Variants in LMBRD2 observed in about 807,000 individuals in gnomAD.
The protein encoded by LMBRD2 is LMBR1 domain containing 2, also known as G protein-coupled receptor-associated protein LMBRD2.
A neutral mutation model predicts 94.4 loss-of-function variants in LMBRD2; 55 were observed. The ratio of observed to expected loss-of-function variants is 0.58; its 90% confidence interval spans 0.47 to 0.73. LMBRD2 has a LOEUF of 0.73. LMBRD2 is among the 30% of genes least tolerant of loss of function. LMBRD2 has a pLI of 0.00. For synonymous variants in LMBRD2, 246 were observed against 272.4 expected, an observed-to-expected ratio of 0.90 and a Z score of 0.95; for missense variants, 640 against 831.9, an observed-to-expected ratio of 0.77 and a Z score of 2.84.
At chr5:36,113,588 A>G (rs1289860686) in intron 13 of LMBRD2, among the ~76,000 whole-genome samples, 3 of 152,184 alleles carry the variant, frequency 2.0e-5, no homozygotes, top group African/African-American at 7.2e-5. Context: ...CTGTTTACTC[A>G]TTACTGTAAT....
At position 36,122,465 on chromosome 5, in the gene LMBRD2, T is replaced by TA. The variant is rs1561516500; in HGVS notation, c.937-3dup. 1 of 1,609,046 alleles carries TA rather than the reference T, an allele frequency of 6.2e-7. No individual in the cohort carries two copies. The highest frequency in any genetic ancestry group is 2.2e-5 in the East Asian group (1 of 44,762). On this transcript the variant is annotated splice_region_variant and splice_polypyrimidine_tract_variant and intron_variant, in intron 8 of 17. Transcript: ENST00000296603. ...GTGTCTCTGAACTGAATAAATCACC[T>TA]AAAAAAGAGAATGGGGGTAGACCTG...
intron 5 of LMBRD2, 130 bp downstream of exon 5, chr5:36,137,144 A>G: frequency 1.8e-6 from 1 of 565,368 alleles, no homozygotes; most frequent in Non-Finnish European, 3.0e-6. Context: ...TCTTTTGGGG[A>G]AATCCATAAA....
rs1161702299 is a variant in LMBRD2 at position 36,116,607 on chromosome 5, AAAAC to A, written c.1303-18_1303-15del. Reference sequence around the variant, plus strand: ...GAAGCAGGCAATCTGGAAAAAAACAAAAACAAAGCAGTTTGTTTAAAACAAACAG... The same window carrying A: ...GAAGCAGGCAATCTGGAAAAAAACAAAAAGCAGTTTGTTTAAAACAAACAG... On this transcript the variant is annotated splice_polypyrimidine_tract_variant and intron_variant, in intron 10 of 17. Coordinates refer to ENST00000296603, the MANE Select transcript of LMBRD2 (RefSeq NM_001007527.2). 3 of 1,608,870 alleles carry A rather than the reference AAAAC, an allele frequency of 1.9e-6. No homozygotes were observed. The African/African-American group carries it at 4.0e-5, about 22-fold the overall frequency.
rs1376933779 is a variant in LMBRD2, at chr5:36,143,375, CAA to C, written c.-28_-27del. On this transcript the variant is annotated 5_prime_UTR_variant, in exon 2 of 18. It removes the in-frame stop codon of an upstream open reading frame in the 5' UTR. Coordinates refer to ENST00000296603, the MANE Select transcript of LMBRD2 (RefSeq NM_001007527.2). ...TATTGAATATTTCACTCTGACTAAC[CAA>C]AGTTATTCATGTACAGGTCTGGACC... 3 of 1,580,384 alleles carry C rather than the reference CAA, an allele frequency of 1.9e-6. No homozygotes were observed. Among genetic ancestry groups the C allele is most frequent in the South Asian group, 2.3e-5 (2 of 88,876 alleles).
In LMBRD2 at chr5:36,122,873, T is replaced by C; in HGVS notation, c.911A>G (p.Lys304Arg). The change falls in exon 8 of 18, where the codon AAA becomes AGA. Residue 304 changes from lysine (K) to arginine (R), a missense_variant. By Grantham distance (26) the Lys-to-Arg change is conservative. Transcript: ENST00000296603. ...DEKHSIYPSE[K>R]SLVKLHKQVI... ...CTGTTTATGCAGTTTTACCAGACTT[T>C]TTTCACTTGGATAGATACTATGCTT... 6.3e-7 allele frequency: 1 copy of C among 1,595,484 alleles called. No individual in the cohort carries two copies. The highest frequency in any genetic ancestry group is 1.1e-5 in the South Asian group (1 of 87,076).
At position 36,103,942 on chromosome 5, in the gene LMBRD2, C is replaced by G. The variant is rs1006215053; in HGVS notation, c.*104G>C. ...CTCAGTGCCTTTTTTGTTATCTTGACACTTTTCACTGTGTATAGAGGAAAT... is the reference window on the plus strand; with the variant it reads ...CTCAGTGCCTTTTTTGTTATCTTGAGACTTTTCACTGTGTATAGAGGAAAT... On this transcript the variant is annotated 3_prime_UTR_variant, in exon 18 of 18. Coordinates refer to ENST00000296603, the MANE Select transcript of LMBRD2 (RefSeq NM_001007527.2). 6 of 735,816 alleles carry G rather than the reference C, an allele frequency of 8.2e-6. No homozygotes were observed. The South Asian group carries it at 1.0e-4, about 13-fold the overall frequency. 45.6% of individuals were successfully genotyped at this position (735,816 alleles called of 1,614,324 possible).
intron 16 of LMBRD2, among the ~76,000 whole-genome samples, chr5:36,106,509 G>GTTTTTTTTTTTTTTTTTTTTTTTTTTT: frequency 8.4e-6 from 1 of 119,410 alleles, no homozygotes; most frequent in Non-Finnish European, 1.7e-5. Flanking sequence ...TTTTTCTTTC[G>GTTTTTTTTTTTTTTTTTTTTTTTTTTT]TTTTTTTTTT....
At chr5:36,112,037 G>A (rs547808871) in intron 13 of LMBRD2, among the ~76,000 whole-genome samples, 1 of 150,850 alleles carries the variant, frequency 6.6e-6, no homozygotes, top group South Asian at 2.1e-4. Flanking sequence ...GGAAGAGGAG[G>A]AGAAAGTGGT....
At chr5:36,112,685 C>T (rs1268942996) in intron 13 of LMBRD2, among the ~76,000 whole-genome samples, 2 of 151,994 alleles carry the variant, frequency 1.3e-5, no homozygotes, top group Admixed American at 6.6e-5. Flanking sequence ...ATTTTGCTTT[C>T]GGACATAGTG....
chr5:36,130,189 TAATAA>T (rs1744119877), intron 6 of LMBRD2, among the ~76,000 whole-genome samples: 1 of 151,880 alleles, frequency 6.6e-6, no homozygotes, highest in Admixed American at 6.6e-5. Flanking sequence ...AGTATAATAA[TAATAA>T]AATAAAATAA....
Position 36,098,614 on chromosome 5 carries a change from C to T in LMBRD2, c.*5432G>A, listed in dbSNP as rs1331235614. 6.6e-6 allele frequency: 1 copy of T among 151,984 alleles called. No homozygotes were observed. Among genetic ancestry groups the T allele is most frequent in the Admixed American group, 6.6e-5 (1 of 15,246 alleles). 9.4% of individuals were successfully genotyped at this position (151,984 alleles called of 1,614,324 possible). ...AGCTACATTCTTTCCTATATTTTAA[C>T]AGCTAATCAAATAAACATTTCAAAA... is the stretch of plus-strand genomic sequence containing the variant. On this transcript the variant is annotated 3_prime_UTR_variant, in exon 18 of 18. Coordinates refer to ENST00000296603, the MANE Select transcript of LMBRD2 (RefSeq NM_001007527.2).
At chr5:36,107,397 T>G (rs564740610) in intron 16 of LMBRD2, among the ~76,000 whole-genome samples, 1 of 152,374 alleles carries the variant, frequency 6.6e-6, no homozygotes, top group South Asian at 2.1e-4. Flanking sequence ...ATTATCTTAC[T>G]TTCTTGTATA....
At chr5:36,142,774 G>T in intron 2 of LMBRD2, 175 bp from the exon 3 acceptor site, 1 of 449,170 alleles carries the variant, frequency 2.2e-6, no homozygotes, top group East Asian at 4.0e-5. Flanking sequence ...GCCCAGGCTG[G>T]AGTGCAGTGG....
At chr5:36,107,528 C>T (rs1389447491) in intron 16 of LMBRD2, among the ~76,000 whole-genome samples, 3 of 152,204 alleles carry the variant, frequency 2.0e-5, no homozygotes, top group African/African-American at 7.2e-5. Flanking sequence ...TTGCTGATGG[C>T]TTGAATCACT....
chr5:36,124,285 A>C lies in LMBRD2; in HGVS notation c.748-20T>G, dbSNP rs1743953874. 7.2e-7 allele frequency: 1 copy of C among 1,388,024 alleles called. No individual in the cohort carries two copies. The highest frequency in any genetic ancestry group is 1.4e-5 in the African/African-American group (1 of 69,780). 86.0% of individuals were successfully genotyped at this position (1,388,024 alleles called of 1,614,324 possible). A position where few individuals can be genotyped will look rare whatever the true frequency, so the allele number is the denominator to read the frequency against. On this transcript the variant is annotated intron_variant, in intron 6 of 17. Coordinates refer to ENST00000296603, the MANE Select transcript of LMBRD2 (RefSeq NM_001007527.2). ...AACCTCCTATAAAAACAGTAAAATA[A>C]ATAAAAATATTTCCATTTCTACAGA...
Position 36,122,265 on chromosome 5 carries a change from TATCAAATTACATACC to T in LMBRD2, c.1120_1120+14del, listed in dbSNP as rs748143700. The stretch of plus-strand genomic sequence containing the variant: ...TTTCATCATTAAAGTTTGAAATTTA[TATCAAATTACATACC>T]AAATGTAGGATTATAAAAATATTGG... On this transcript the variant is annotated splice_donor_variant and splice_donor_5th_base_variant and coding_sequence_variant and intron_variant, in exon 9 of 18. Coordinates refer to ENST00000296603, the MANE Select transcript of LMBRD2 (RefSeq NM_001007527.2). LOFTEE classifies it high-confidence loss of function. 1 of 1,539,946 alleles carries T rather than the reference TATCAAATTACATACC, an allele frequency of 6.5e-7. No individual in the cohort carries two copies. Among genetic ancestry groups the T allele is most frequent in the Non-Finnish European group, 8.7e-7 (1 of 1,143,250 alleles).
At position 36,150,522 on chromosome 5, in the gene LMBRD2, T is replaced by C. The variant is rs78936728; in HGVS notation, c.-58+1034A>G. Among the ~76,000 whole-genome samples, 1,515 of 152,340 alleles carry C rather than the reference T, an allele frequency of 9.9e-3. 11 individuals are homozygous for C. The highest frequency in any genetic ancestry group is 0.034 in the African/African-American group (1,431 of 41,568). On this transcript the variant is annotated intron_variant, in intron 1 of 17. Coordinates refer to ENST00000296603, the MANE Select transcript of LMBRD2 (RefSeq NM_001007527.2). ...AAACTATAATTTTTTGTGTCAAAAATATTTTCTCCTATGAGTTGCAATCTT... is the reference window on the plus strand; with the variant it reads ...AAACTATAATTTTTTGTGTCAAAAACATTTTCTCCTATGAGTTGCAATCTT...
chr5:36,147,035 C>T (rs1744565791), intron 1 of LMBRD2, among the ~76,000 whole-genome samples: 1 of 151,522 alleles, frequency 6.6e-6, no homozygotes, highest in Non-Finnish European at 1.5e-5. Flanking sequence ...TCTTCTCACA[C>T]TTGAAATTTG....
intron 4 of LMBRD2, among the ~76,000 whole-genome samples, chr5:36,139,015 G>A (rs1366356138): frequency 1.3e-5 from 2 of 152,176 alleles, no homozygotes; most frequent in Non-Finnish European, 2.9e-5. Context: ...CTGGGAAGAG[G>A]TGGGAGCCCC....
Sources: allele counts gnomAD v4.1 joint callset (sites outside exome capture counted in the v4.1 genomes callset), GRCh38; gene constraint gnomAD v4.1.1; transcripts MANE v1.5; gene names NCBI Gene and HGNC (gene_info 2026-07-23, HGNC 2026-07-21).